Variants in ZNF839 observed in about 807,000 individuals in gnomAD.
ZNF839 encodes the protein renal carcinoma antigen NY-REN-50.
A neutral mutation model predicts 56.4 loss-of-function variants in ZNF839; 38 were observed. The ratio of observed to expected loss-of-function variants is 0.67; its 90% CI spans 0.52 to 0.88. The LOEUF is 0.88. ZNF839 is among the 40% of genes least tolerant of loss of function. The pLI is 0.00. For missense variants in ZNF839, 1,091 were observed against 1,177.6 expected (o/e 0.93, Z 1.08); for synonymous variants, 486 against 493.5 (o/e 0.98, Z 0.20).
At position 102,331,515 on chromosome 14, in the gene ZNF839, G is replaced by A; in HGVS notation, c.1192-107G>A. 5.2e-6 allele frequency: 5 copies of A among 960,812 alleles called. No homozygotes were observed. The South Asian group carries it at 6.6e-5, about 13-fold the overall frequency. The allele number at this position is 960,812 out of a possible 1,614,324, so 59.5% of individuals were successfully genotyped here. A position where few individuals can be genotyped will look rare whatever the true frequency, so the allele number is the denominator to read the frequency against. ...TCCACCCGCCTTGGGCTCCCAAAGT[G>A]CTGGGATTTCAGGTGTGAGCCACGG... On this transcript the variant is annotated intron_variant, in intron 2 of 7. Coordinates refer to ENST00000442396, the MANE Select transcript of ZNF839 (RefSeq NM_018335.6).
intron 4 of ZNF839, 131 bp from the exon 5 acceptor site, chr14:102,335,558 C>A: frequency 1.1e-6 from 1 of 881,950 alleles, no homozygotes; most frequent in Non-Finnish European, 1.7e-6. Context: ...TCACTGGGGA[C>A]TGAAGGAAAC....
At chr14:102,320,975 G>T (rs1398359962) in intron 1 of ZNF839, among the ~76,000 whole-genome samples, 1 of 152,200 alleles carries the variant, frequency 6.6e-6, no homozygotes. Context: ...AGAAGAAACG[G>T]GTTAGGGAAT....
intron 5 of ZNF839, among the ~76,000 whole-genome samples, chr14:102,336,198 A>C (rs1300011416): frequency 6.6e-6 from 1 of 152,102 alleles, no homozygotes; most frequent in African/African-American, 2.4e-5. Context: ...AAACCAAAAA[A>C]AAAAAAAACT....
chr14:102,329,705 TTG>T (rs58999642), intron 2 of ZNF839, among the ~76,000 whole-genome samples: 16,808 of 146,608 alleles, frequency 0.11, 1,366 homozygotes, highest in East Asian at 0.32. Context: ...ATTCTAATAT[TTG>T]TGTGTGTGTG....
intron 7 of ZNF839, 144 bp from the exon 8 acceptor site, chr14:102,341,179 A>T: frequency 2.2e-6 from 2 of 925,794 alleles, no homozygotes; most frequent in Non-Finnish European, 3.0e-6. Flanking sequence ...TAAAATTGCT[A>T]CCAATCCCAA....
chr14:102,326,737 G>A lies in ZNF839; in HGVS notation c.1041G>A (p.Leu347=), dbSNP rs778204189. ...GCCAGTTGGACCCCGAGATGGTGCT[G>A]TCTGAGAAAGCCAGTGGAAGCACCC... ...GHGQLDPEMV[L]SEKASGSTLR... Residue 347 remains leucine, a synonymous_variant, in exon 2 of 8, where the codon CTG becomes CTA. Transcript: ENST00000442396. This position sits in a 1 kb window ranked among gnomAD's most constrained non-coding sequence, Gnocchi z 4.3. 5 of 1,613,240 alleles carry A rather than the reference G, an allele frequency of 3.1e-6. No individual in the cohort carries two copies. Among genetic ancestry groups the A allele is most frequent in the Non-Finnish European group, 4.2e-6 (5 of 1,179,676 alleles).
At position 102,342,084 on chromosome 14, in the gene ZNF839, C is replaced by T. The variant is rs1414286259; in HGVS notation, c.2689C>T (p.Leu897Phe). Residue 897 changes from leucine to phenylalanine, a missense_variant, in exon 8 of 8, where the codon CTT becomes TTT. Leu to Phe is a conservative substitution (Grantham distance 22). This residue lies in a region of ZNF839 where 431 missense variants were observed against 468.0 expected (regional missense o/e 0.92). Coordinates refer to ENST00000442396, the MANE Select transcript of ZNF839 (RefSeq NM_018335.6). ...KQIFIQTSDGLILSPPGTIVS... is the reference protein window; with the variant it reads ...KQIFIQTSDGFILSPPGTIVS... Reference sequence around the variant, plus strand: ...GATTTTTATTCAGACTTCCGATGGGCTTATCTTGTCCCCTCCAGGTACAAT... The same window carrying T: ...GATTTTTATTCAGACTTCCGATGGGTTTATCTTGTCCCCTCCAGGTACAAT... 1 of 1,613,996 alleles carries T rather than the reference C, an allele frequency of 6.2e-7. No homozygotes were observed. Among genetic ancestry groups the T allele is most frequent in the African/African-American group, 1.3e-5 (1 of 75,054 alleles).
At chr14:102,335,542 A>G in intron 4 of ZNF839, 147 bp from the exon 5 acceptor site, 1 of 728,514 alleles carries the variant, frequency 1.4e-6, no homozygotes, top group South Asian at 1.9e-5. Flanking sequence ...GGCACACAGT[A>G]GGTGCTCACT....
intron 1 of ZNF839, 55 bp downstream of exon 1, chr14:102,320,108 C>T: frequency 8.8e-7 from 1 of 1,140,272 alleles, no homozygotes; most frequent in East Asian, 4.1e-5. Flanking sequence ...GCCGACGCCC[C>T]GCGGCGGGGT....
Position 102,340,274 on chromosome 14 carries a change from CTTTTT to C in ZNF839, c.1928-1038_1928-1034del, listed in dbSNP as rs34818560. 3.9e-5 allele frequency among the ~76,000 whole-genome samples: 5 copies of C among 128,520 alleles called. No homozygotes were observed. In the Admixed American group the frequency reaches 4.0e-4, roughly 10 times the overall value. The allele number at this position is 128,520 out of a possible 152,430, so 84.3% of individuals were successfully genotyped here. On this transcript the variant is annotated intron_variant, in intron 7 of 7. Transcript: ENST00000442396. ...TACAGGCATGAGCCACTACGCCAGC[CTTTTT>C]TTTTTTTTTTGAGATGGAGTCTTGC...
At position 102,334,657 on chromosome 14, in the gene ZNF839, T is replaced by C. The variant is rs781336255; in HGVS notation, c.1509+11T>C. On this transcript the variant is annotated intron_variant, in intron 4 of 7. Transcript: ENST00000442396. Reference sequence around the variant, plus strand: ...TTTCTTCTGATGAAGGTGAGTACTCTTAGTGTTTCTAAATGATAGCGGGAT... The same window carrying C: ...TTTCTTCTGATGAAGGTGAGTACTCCTAGTGTTTCTAAATGATAGCGGGAT... The C allele has an allele frequency of 4.5e-6, 7 of 1,559,270 alleles. 1 individual carries two copies. In the East Asian group the frequency reaches 6.7e-5, roughly 15 times the overall value.
At position 102,326,905 on chromosome 14, in the gene ZNF839, G is replaced by A. The variant is rs754499741; in HGVS notation, c.1191+18G>A. On this transcript the variant is annotated intron_variant, in intron 2 of 7. Coordinates refer to ENST00000442396, the MANE Select transcript of ZNF839 (RefSeq NM_018335.6). The surrounding 1 kb of genome is among the most constrained non-coding windows in gnomAD (Gnocchi z 4.3). ...GCCTGCAGGTAATGTTTCTGTCTGG[G>A]TATGTGTCTTTTTATTTGGCCGTTC... The A allele has an allele frequency of 1.7e-5, 26 of 1,563,566 alleles. No homozygotes were observed. Among genetic ancestry groups the A allele is most frequent in the South Asian group, 4.7e-5 (4 of 85,368 alleles).
chr14:102,336,579 G>C, intron 5 of ZNF839: 1 of 416,202 alleles, frequency 2.4e-6, no homozygotes, highest in Non-Finnish European at 4.7e-6. Context: ...ACAGGTGTGA[G>C]CCACCACATC....
At chr14:102,341,204 C>G (rs565297200) in intron 7 of ZNF839, 119 bp from the exon 8 acceptor site, 5 of 1,230,676 alleles carry the variant, frequency 4.1e-6, no homozygotes, top group Non-Finnish European at 5.4e-6. Context: ...CAAGGAGCAT[C>G]GATGCTTTGA....
chr14:102,320,357 G>A (rs1239121887), intron 1 of ZNF839, among the ~76,000 whole-genome samples: 1 of 152,176 alleles, frequency 6.6e-6, no homozygotes, highest in Non-Finnish European at 1.5e-5. Flanking sequence ...CTTCTTACAG[G>A]CCTTTCACCG....
intron 5 of ZNF839, among the ~76,000 whole-genome samples, chr14:102,338,372 T>C (rs1159258668): frequency 6.6e-6 from 1 of 151,868 alleles, no homozygotes; most frequent in Non-Finnish European, 1.5e-5. Context: ...ACTCCATCTT[T>C]ACTAAAAATA....
chr14:102,334,784 C>T, intron 4 of ZNF839, 138 bp downstream of exon 4: 1 of 385,628 alleles, frequency 2.6e-6, no homozygotes. Context: ...TGCTCTGTCG[C>T]CCAGCTAGAG....
chr14:102,329,884 C>T (rs1385235983), intron 2 of ZNF839, among the ~76,000 whole-genome samples: 3 of 148,476 alleles, frequency 2.0e-5, no homozygotes, highest in Admixed American at 6.8e-5. Context: ...ACCTCCATCT[C>T]CTGGGTTCAG....
chr14:102,324,324 C>G lies in ZNF839; in HGVS notation c.289-1661C>G, dbSNP rs146204611. Among the ~76,000 whole-genome samples the G allele has an allele frequency of 2.9e-4, 44 of 152,210 alleles. 1 individual carries two copies. In the East Asian group the frequency reaches 8.5e-3, roughly 29 times the overall value. On this transcript the variant is annotated intron_variant, in intron 1 of 7. Transcript: ENST00000442396. ...CTTTGGGAGGCTGAGGCGGACAGAT[C>G]ATGAGGTCAGGAGTTTGAGACCACC... is the stretch of plus-strand genomic sequence containing the variant.
Sources: gnomAD v4.1 joint callset for allele counts (sites outside exome capture counted in the v4.1 genomes callset) on GRCh38, gnomAD v4.1.1 for gene constraint, gnomAD v4.1.1 regional missense constraint, Gnocchi (gnomAD v3.1) non-coding constraint, MANE v1.5 for transcripts, NCBI Gene and HGNC (gene_info 2026-07-23, HGNC 2026-07-21) for gene names.